Variants in SMCO2 observed in about 807,000 individuals in gnomAD.
SMCO2 encodes single-pass membrane protein with coiled-coil domains 2.
Under a neutral mutation model 29.5 loss-of-function variants are expected in SMCO2, and 25 were observed. The ratio of observed to expected loss-of-function variants is 0.85; its 90% CI spans 0.62 to 1.18. The LOEUF is 1.18. Among genes scored for constraint, SMCO2 ranks in the 50% most tolerant of loss-of-function variants. The pLI, the probability that SMCO2 is intolerant of heterozygous loss-of-function variation, is 0.00. For synonymous variants in SMCO2, 117 were observed against 123.3 expected (o/e 0.95, Z 0.34); for missense variants, 348 against 344.5 (o/e 1.01, Z -0.08).
chr12:27,493,231 T>G (rs1325130457), intron 5 of SMCO2, among the ~76,000 whole-genome samples: 2 of 152,138 alleles, frequency 1.3e-5, no homozygotes, highest in African/African-American at 4.8e-5. Flanking sequence ...TGTTGGCTAC[T>G]GGGCTTAATT....
At chr12:27,430,150 A>C in the SMCO2 span, among the ~76,000 whole-genome samples, 1 of 152,068 alleles carries the variant, frequency 6.6e-6, no homozygotes, top group South Asian at 2.1e-4. Flanking sequence ...ATTACCATCG[A>C]TTAAGTTCTT....
intron 5 of SMCO2, among the ~76,000 whole-genome samples, 166 bp downstream of exon 6, chr12:27,488,713 A>G (rs1949710163): frequency 1.3e-5 from 2 of 152,216 alleles, no homozygotes; most frequent in Admixed American, 6.5e-5. Flanking sequence ...CACTGCTTTT[A>G]TCTGATGACA....
At chr12:27,455,003 C>T in the SMCO2 span, among the ~76,000 whole-genome samples, 1 of 152,176 alleles carries the variant, frequency 6.6e-6, no homozygotes, top group Non-Finnish European at 1.5e-5. Context: ...CAATTCCTAT[C>T]GTTGAACTTT....
intron 1 of SMCO2, among the ~76,000 whole-genome samples, chr12:27,470,341 A>T (rs1468473147): frequency 2.6e-5 from 4 of 152,166 alleles, no homozygotes; most frequent in Non-Finnish European, 4.4e-5. Flanking sequence ...CAGGCTGGTT[A>T]TTATATATTC....
the SMCO2 span, among the ~76,000 whole-genome samples, chr12:27,447,485 C>T: frequency 1.3e-4 from 20 of 152,202 alleles, no homozygotes; most frequent in South Asian, 4.1e-4. Context: ...CGGCCAGGTG[C>T]GGTGGCTCAC....
chr12:27,424,655 A>T, the SMCO2 span: 1 of 152,208 alleles, frequency 6.6e-6, no homozygotes, highest in East Asian at 1.9e-4. Context: ...GTTTCAGATC[A>T]TGCTGCCAAG....
chr12:27,475,260 T>G (rs435516), intron 4 of SMCO2, among the ~76,000 whole-genome samples: 18,285 of 152,190 alleles, frequency 0.12, 2,119 homozygotes, highest in African/African-American at 0.28. Flanking sequence ...CCCTATTGTA[T>G]ACCTCTCCTC....
chr12:27,490,096 A>AAT (rs1592216131), intron 5 of SMCO2, among the ~76,000 whole-genome samples: 2 of 152,242 alleles, frequency 1.3e-5, no homozygotes, highest in East Asian at 3.8e-4. Context: ...AAGCTTAAAA[A>AAT]CTAGAAACAA....
chr12:27,479,271 G>A (rs1282902792), intron 4 of SMCO2, among the ~76,000 whole-genome samples: 1 of 151,984 alleles, frequency 6.6e-6, no homozygotes, highest in African/African-American at 2.4e-5. Flanking sequence ...CAACAGTGAT[G>A]GCAGTGGGTG....
chr12:27,500,747 A>C (rs753015608), intron 7 of SMCO2, among the ~76,000 whole-genome samples: 3 of 150,646 alleles, frequency 2.0e-5, no homozygotes, highest in Non-Finnish European at 4.4e-5. Flanking sequence ...TTCCTAATAG[A>C]GTATCTTAAG....
the SMCO2 span, among the ~76,000 whole-genome samples, chr12:27,454,184 A>G: frequency 6.6e-5 from 10 of 152,064 alleles, no homozygotes; most frequent in African/African-American, 1.7e-4. Context: ...AGGCCACACT[A>G]TATTGCCCAG....
intron 7 of SMCO2, chr12:27,497,920 TAG>T (rs988465002): frequency 8.8e-6 from 3 of 340,470 alleles, no homozygotes; most frequent in African/African-American, 6.9e-5. Flanking sequence ...CTAAAGTAAC[TAG>T]AGTCTCCCGT....
chr12:27,440,339 G>A, the SMCO2 span, among the ~76,000 whole-genome samples: 1 of 152,066 alleles, frequency 6.6e-6, no homozygotes, highest in South Asian at 2.1e-4. Context: ...GTTCTGTTGT[G>A]CAAGAAAAGC....
intron 4 of SMCO2, among the ~76,000 whole-genome samples, chr12:27,483,294 A>G (rs1468794929): frequency 6.6e-6 from 1 of 152,138 alleles, no homozygotes. Context: ...TTCTGCTTGC[A>G]GAGCTATCAG....
exon 5 of SMCO2, chr12:27,488,518 C>G: frequency 6.5e-7 from 1 of 1,539,518 alleles, no homozygotes; most frequent in Non-Finnish European, 8.8e-7. Context: ...GGACCGGGGC[C>G]TTGACCTTGA....
the SMCO2 span, among the ~76,000 whole-genome samples, chr12:27,430,966 A>T: frequency 0.98 from 148,814 of 152,204 alleles, 72,772 homozygotes; most frequent in East Asian, 1. Flanking sequence ...CTGAACTCAA[A>T]GCACAGCAAT....
chr12:27,458,211 T>C, the SMCO2 span, among the ~76,000 whole-genome samples: 1 of 152,292 alleles, frequency 6.6e-6, no homozygotes, highest in African/African-American at 2.4e-5. Context: ...AAACATTACT[T>C]TCACACATTC....
chr12:27,478,104 G>A (rs541082830), intron 4 of SMCO2, among the ~76,000 whole-genome samples: 3 of 152,284 alleles, frequency 2.0e-5, no homozygotes, highest in African/African-American at 7.2e-5. Flanking sequence ...TGTTAGTTGA[G>A]TAGGGTGCTT....
chr12:27,492,988 A>G (rs1360775860), intron 5 of SMCO2, among the ~76,000 whole-genome samples: 1 of 152,240 alleles, frequency 6.6e-6, no homozygotes, highest in Non-Finnish European at 1.5e-5. Context: ...TATACCATGG[A>G]ATACTATGCA....
Sources: gnomAD v4.1 joint callset for allele counts (sites outside exome capture counted in the v4.1 genomes callset) on GRCh38, gnomAD v4.1.1 for gene constraint, MANE v1.5 for transcripts, NCBI Gene and HGNC (gene_info 2026-07-23, HGNC 2026-07-21) for gene names.